The following SYT7 variants were observed in gnomAD, a reference collection of about 807,000 sequenced individuals.
SYT7 encodes synaptotagmin 7, also known as synaptotagmin-7.
Under a neutral mutation model 75.1 loss-of-function variants are expected in SYT7, and 29 were observed. That is an observed-to-expected ratio of 0.39 (90% CI 0.29 to 0.53). The LOEUF (loss-of-function observed/expected upper bound fraction) is 0.53. Ranked by LOEUF, SYT7 falls within the 20% of genes least tolerant of loss-of-function variation. The pLI, the probability that SYT7 is intolerant of heterozygous loss-of-function variation, is 0.77. For missense variants in SYT7, 693 were observed against 953.2 expected (o/e 0.73, Z 3.59); for synonymous variants, 376 against 401.7 (o/e 0.94, Z 0.76).
At chr11:61,550,045 G>A (rs377729201) in intron 3 of SYT7, among the ~76,000 whole-genome samples, 2 of 152,188 alleles carry the variant, frequency 1.3e-5, no homozygotes, top group South Asian at 2.1e-4. Context: ...GTGCTCCCTC[G>A]CCTTCAGAAA....
chr11:61,558,725 C>G (rs1462186385), intron 1 of SYT7, among the ~76,000 whole-genome samples: 2 of 152,038 alleles, frequency 1.3e-5, no homozygotes, highest in African/African-American at 4.8e-5. Context: ...GAAAAAAGAC[C>G]CAAGTGTGAG....
Position 61,517,019 on chromosome 11 carries a change from CCTT to C in SYT7, c.*1605_*1607del, listed in dbSNP as rs1208397039. 1.9e-5 allele frequency: 7 copies of C among 374,962 alleles called. No individual in the cohort carries two copies. The highest frequency in any genetic ancestry group is 2.8e-5 in the Non-Finnish European group (6 of 211,574). 23.2% of individuals were successfully genotyped at this position (374,962 alleles called of 1,614,324 possible). A position where few individuals can be genotyped will look rare whatever the true frequency, so the allele number is the denominator to read the frequency against. On this transcript the variant is annotated 3_prime_UTR_variant, in exon 13 of 13. Coordinates refer to ENST00000539008, the MANE Select transcript of SYT7 (RefSeq NM_001365809.2). ...GATGTGGGGACCCTATCCAGAGTCCCCTTCTTCTCTTTGGGGTGTCACAGGCCC... is the reference window on the plus strand; with the variant it reads ...GATGTGGGGACCCTATCCAGAGTCCCCTTCTCTTTGGGGTGTCACAGGCCC...
At position 61,542,770 on chromosome 11, in the gene SYT7, C is replaced by G. The variant is rs999979431; in HGVS notation, c.573-191G>C. Among the ~76,000 whole-genome samples the G allele has an allele frequency of 2.0e-5, 3 of 152,210 alleles. No individual in the cohort carries two copies. Among genetic ancestry groups the G allele is most frequent in the African/African-American group, 7.2e-5 (3 of 41,452 alleles). ...GCCTCGCCCAGGAGGCTGCAAAGCC[C>G]TCGCGCCCACCCTGAGGCCCCAGGC... On this transcript the variant is annotated intron_variant, in intron 5 of 12. Coordinates refer to ENST00000539008, the MANE Select transcript of SYT7 (RefSeq NM_001365809.2). The surrounding 1 kb of genome is among the most constrained non-coding windows in gnomAD (Gnocchi z 7.8).
At chr11:61,569,262 A>T (rs756755747) in intron 1 of SYT7, among the ~76,000 whole-genome samples, 5 of 152,086 alleles carry the variant, frequency 3.3e-5, no homozygotes, top group Non-Finnish European at 5.9e-5. Context: ...CTCAACCCAC[A>T]GAGGGCAGGG....
intron 1 of SYT7, among the ~76,000 whole-genome samples, chr11:61,578,484 A>G (rs198738): frequency 0.035 from 5,248 of 152,042 alleles, 306 homozygotes; most frequent in African/African-American, 0.12. Flanking sequence ...GGCCTGAGTT[A>G]CACATAAATC....
chr11:61,524,478 T>C lies in SYT7; in HGVS notation c.1526A>G (p.Tyr509Cys), dbSNP rs1196900235. 1.9e-6 allele frequency: 3 copies of C among 1,612,878 alleles called. No individual in the cohort carries two copies. Among genetic ancestry groups the C allele is most frequent in the East Asian group, 2.2e-5 (1 of 44,856 alleles). The change falls in exon 10 of 13, where the codon TAT becomes TGT. Residue 509 changes from tyrosine to cysteine, a missense_variant. Transcript: ENST00000539008. The surrounding 1 kb of genome is among the most constrained non-coding windows in gnomAD (Gnocchi z 4.1). ...GGGGTCGTTGCGGCTGAAGCGGTCA[T>C]AGTCCAGGACTTGGAGGTAGAGGAT... ...QRILYLQVLD[Y>C]DRFSRNDPIG...
At chr11:61,581,823 GCACTTCGGAGGGTA>G (rs1256644405), upstream of SYT7, among the ~76,000 whole-genome samples, 3 of 152,114 alleles carry the variant, frequency 2.0e-5, no homozygotes, top group East Asian at 5.8e-4. Flanking sequence ...CTTGACCCTA[GCACTTCGGAGGGTA>G]GGAAGGAAAT....
Position 61,524,294 on chromosome 11 carries a change from G to C in SYT7, c.1641+69C>G, listed in dbSNP as rs770393617. The C allele has an allele frequency of 3.8e-6, 6 of 1,577,324 alleles. No individual in the cohort carries two copies. The highest frequency in any genetic ancestry group is 5.2e-6 in the Non-Finnish European group (6 of 1,158,910). On this transcript the variant is annotated intron_variant, in intron 10 of 12. Coordinates refer to ENST00000539008, the MANE Select transcript of SYT7 (RefSeq NM_001365809.2). The surrounding 1 kb of genome is among the most constrained non-coding windows in gnomAD (Gnocchi z 4.1). ...TCCTGGCCTTCCTAAGGTTGACAAGGGTCTGGGACCAGATCTCCCAGCCCT... is the reference window on the plus strand; with the variant it reads ...TCCTGGCCTTCCTAAGGTTGACAAGCGTCTGGGACCAGATCTCCCAGCCCT...
At chr11:61,535,552 G>A (rs1590861693) in intron 7 of SYT7, among the ~76,000 whole-genome samples, 1 of 152,184 alleles carries the variant, frequency 6.6e-6, no homozygotes, top group Non-Finnish European at 1.5e-5. Context: ...TCCCGGGAGC[G>A]CAGTCTGAAG....
chr11:61,518,626 C>T lies in SYT7; in HGVS notation c.*1G>A, dbSNP rs749555398. The T allele has an allele frequency of 2.0e-5, 31 of 1,544,646 alleles. No individual in the cohort carries two copies. The East Asian group carries it at 7.4e-4, about 37-fold the overall frequency. ...GCCCCCTGGGCCTCCCTTGGCCCCA[C>T]TCAGGCCTTCAGCTGGTGCCACTGG... On this transcript the variant is annotated 3_prime_UTR_variant, in exon 13 of 13. Transcript: ENST00000539008.
At chr11:61,563,499 C>T (rs2063692773) in intron 1 of SYT7, among the ~76,000 whole-genome samples, 1 of 152,212 alleles carries the variant, frequency 6.6e-6, no homozygotes, top group Non-Finnish European at 1.5e-5. Context: ...ATCTCCATTT[C>T]ACAGGAGAAG....
intron 2 of SYT7, 141 bp downstream of exon 2, chr11:61,555,963 G>A: frequency 1.4e-6 from 1 of 700,590 alleles, no homozygotes; most frequent in Non-Finnish European, 2.4e-6. Flanking sequence ...CTATGGAAGT[G>A]CCCCTGACTA....
chr11:61,551,971 T>C lies in SYT7; in HGVS notation c.136-508A>G, dbSNP rs1413865651. 6.6e-6 allele frequency among the ~76,000 whole-genome samples: 1 copy of C among 151,836 alleles called. No homozygotes were observed. Among genetic ancestry groups the C allele is most frequent in the Non-Finnish European group, 1.5e-5 (1 of 67,942 alleles). On this transcript the variant is annotated intron_variant, in intron 2 of 12. Coordinates refer to ENST00000539008, the MANE Select transcript of SYT7 (RefSeq NM_001365809.2). The surrounding 1 kb of genome is among the most constrained non-coding windows in gnomAD (Gnocchi z 5.3). ...GGCTGTGTCCACCACTGTCTGGGGG[T>C]TCTCTGGGGGGTCCTTGTGCCCTGG... is the stretch of plus-strand genomic sequence containing the variant.
In SYT7 at chr11:61,580,781, C is replaced by T. The variant is rs1427788210; in HGVS notation, c.31+9G>A. Reference sequence around the variant, plus strand: ...GCGGGGCGCCCCAGCCCGCCGGGGCCGCGCTTACCTGGGCTGGCCGCCTCC... The same window carrying T: ...GCGGGGCGCCCCAGCCCGCCGGGGCTGCGCTTACCTGGGCTGGCCGCCTCC... On this transcript the variant is annotated intron_variant, in intron 1 of 12. Coordinates refer to ENST00000539008, the MANE Select transcript of SYT7 (RefSeq NM_001365809.2). The surrounding 1 kb of genome is among the most constrained non-coding windows in gnomAD (Gnocchi z 6.1). 1.6e-6 allele frequency: 2 copies of T among 1,273,222 alleles called. No individual in the cohort carries two copies. Among genetic ancestry groups the T allele is most frequent in the Non-Finnish European group, 9.9e-7 (1 of 1,009,334 alleles). 78.9% of individuals were successfully genotyped at this position (1,273,222 alleles called of 1,614,324 possible).
At chr11:61,563,750 G>C (rs1590933672) in intron 1 of SYT7, among the ~76,000 whole-genome samples, 1 of 152,264 alleles carries the variant, frequency 6.6e-6, no homozygotes, top group Non-Finnish European at 1.5e-5. Flanking sequence ...ACTAGACAAA[G>C]ATGGTCTCCC....
chr11:61,531,412 G>A (rs2062703529), intron 8 of SYT7, among the ~76,000 whole-genome samples: 1 of 152,156 alleles, frequency 6.6e-6, no homozygotes, highest in East Asian at 1.9e-4. Context: ...GGTGGGCTGT[G>A]GCAATGGCCC....
At chr11:61,522,949 G>T in intron 12 of SYT7, 126 bp downstream of exon 12, 1 of 928,852 alleles carries the variant, frequency 1.1e-6, no homozygotes, top group Non-Finnish European at 1.7e-6. Context: ...CCTGAGAGGA[G>T]AGGAGACTGA....
At chr11:61,521,103 G>C (rs2062314273) in intron 12 of SYT7, among the ~76,000 whole-genome samples, 1 of 152,218 alleles carries the variant, frequency 6.6e-6, no homozygotes, top group Non-Finnish European at 1.5e-5. Flanking sequence ...GGCCTGCCCT[G>C]CTCTGGGATT....
In SYT7 at chr11:61,580,562, C is replaced by T. The variant is rs1013651926; in HGVS notation, c.31+228G>A. Among the ~76,000 whole-genome samples, 1 of 152,144 alleles carries T rather than the reference C, an allele frequency of 6.6e-6. No individual in the cohort carries two copies. The highest frequency in any genetic ancestry group is 1.5e-5 in the Non-Finnish European group (1 of 67,994). On this transcript the variant is annotated intron_variant, in intron 1 of 12. Coordinates refer to ENST00000539008, the MANE Select transcript of SYT7 (RefSeq NM_001365809.2). The surrounding 1 kb of genome is among the most constrained non-coding windows in gnomAD (Gnocchi z 6.1). ...GGGAGAGGTCCTTGTGGGGACACTG[C>T]GAAGCCGGTCCCAGACATCCAGCCT...
Sources: allele counts gnomAD v4.1 joint callset (sites outside exome capture counted in the v4.1 genomes callset), GRCh38; gene constraint gnomAD v4.1.1; non-coding constraint Gnocchi (gnomAD v3.1); transcripts MANE v1.5; gene names NCBI Gene and HGNC (gene_info 2026-07-23, HGNC 2026-07-21).